The following TMBIM4 variants were observed in gnomAD, a reference collection of about 807,000 sequenced individuals.
TMBIM4 encodes transmembrane BAX inhibitor motif containing 4.
Under a neutral mutation model 27.7 loss-of-function variants are expected in TMBIM4, and 28 were observed. That is an observed-to-expected ratio of 1.01 (90% CI 0.75 to 1.38). The LOEUF is 1.38. Among genes scored for constraint, TMBIM4 ranks in the 40% most tolerant of loss-of-function variants. The pLI is 0.00. For synonymous variants in TMBIM4, 115 were observed against 113.1 expected (o/e 1.02, Z -0.11); for missense variants, 265 against 277.5 (o/e 0.95, Z 0.32).
chr12:66,154,652 A>G (rs947029409), intron 1 of TMBIM4, among the ~76,000 whole-genome samples: 1 of 152,194 alleles, frequency 6.6e-6, no homozygotes, highest in African/African-American at 2.4e-5. Context: ...CTATCATGGC[A>G]ATGCTCATGG....
intron 6 of TMBIM4, 168 bp from the exon 7 acceptor site, chr12:66,138,334 T>C (rs1341169251): frequency 1.0e-6 from 1 of 973,072 alleles, no homozygotes; most frequent in African/African-American, 1.8e-5. Flanking sequence ...CAAACTTGCC[T>C]CTGTTGGATG....
chr12:66,169,786 G>GT, intron 1 of TMBIM4, 69 bp downstream of exon 1: 2 of 1,244,926 alleles, frequency 1.6e-6, no homozygotes, highest in Non-Finnish European at 2.2e-6. Flanking sequence ...TCGGAAGCCG[G>GT]AAGTCGGCTT....
At chr12:66,166,464 C>CAAAAAAAAAAAAAAA (rs59822799) in intron 1 of TMBIM4, among the ~76,000 whole-genome samples, 2 of 100,704 alleles carry the variant, frequency 2.0e-5, no homozygotes, top group African/African-American at 3.8e-5. Flanking sequence ...TACTTTGTCT[C>CAAAAAAAAAAAAAAA]AAAAAAAAAA....
Position 66,149,849 on chromosome 12 carries a change from A to ACTAT in TMBIM4, c.313-1912_313-1909dup, listed in dbSNP as rs376004467. Among the ~76,000 whole-genome samples, 1,029 of 150,910 alleles carry ACTAT rather than the reference A, an allele frequency of 6.8e-3. 7 individuals carry two copies. The highest frequency in any genetic ancestry group is 0.024 in the African/African-American group (978 of 40,846). On this transcript the variant is annotated intron_variant, in intron 3 of 6. Coordinates refer to ENST00000358230, the MANE Select transcript of TMBIM4 (RefSeq NM_016056.4). ...TAAGGTGAATGATTCTAAGTTGAGGACTATCTATCTATCTGTCTGTCTGTC... is the reference window on the plus strand; with the variant it reads ...TAAGGTGAATGATTCTAAGTTGAGGACTATCTATCTATCTATCTGTCTGTCTGTC...
At chr12:66,166,557 A>G (rs772143710) in intron 1 of TMBIM4, among the ~76,000 whole-genome samples, 1 of 152,170 alleles carries the variant, frequency 6.6e-6, no homozygotes, top group Non-Finnish European at 1.5e-5. Flanking sequence ...CAACATTATA[A>G]GTCATTAGAG....
chr12:66,148,112 CCT>C (rs967196824), intron 3 of TMBIM4, among the ~76,000 whole-genome samples, 171 bp from the exon 4 acceptor site: 1 of 152,088 alleles, frequency 6.6e-6, no homozygotes, highest in African/African-American at 2.4e-5. Flanking sequence ...GAAAATGAGA[CCT>C]CAGTATATTG....
chr12:66,165,335 A>T (rs1234591718), intron 1 of TMBIM4, among the ~76,000 whole-genome samples: 4 of 152,138 alleles, frequency 2.6e-5, no homozygotes, highest in Non-Finnish European at 5.9e-5. Context: ...TAATCAAAAC[A>T]GTGTGGTACT....
At chr12:66,149,267 C>A (rs893950473) in intron 3 of TMBIM4, among the ~76,000 whole-genome samples, 2 of 151,434 alleles carry the variant, frequency 1.3e-5, no homozygotes, top group Non-Finnish European at 2.9e-5. Flanking sequence ...ACAGCAAAAC[C>A]CCCTCTCTAC....
chr12:66,136,276 T>C lies in TMBIM4; in HGVS notation c.*1684A>G, dbSNP rs34557475. The C allele has an allele frequency of 0.054, 8,275 of 152,280 alleles. 606 individuals are homozygous for C. Among genetic ancestry groups the C allele is most frequent in the African/African-American group, 0.16 (6,796 of 41,516 alleles). The allele number at this position is 152,280 out of a possible 1,614,324, so 9.4% of individuals were successfully genotyped here. ...CGCCAAATGTCACTTAAGCACCTGG[T>C]TGGACTGCAATGATTCTAATCTAGA... On this transcript the variant is annotated 3_prime_UTR_variant, in exon 7 of 7. Transcript: ENST00000358230.
At chr12:66,149,709 A>G (rs1168528373) in intron 3 of TMBIM4, among the ~76,000 whole-genome samples, 1 of 152,210 alleles carries the variant, frequency 6.6e-6, no homozygotes, top group Non-Finnish European at 1.5e-5. Flanking sequence ...AGTTGAAAAT[A>G]TCGTAAGTAA....
At chr12:66,152,197 A>G in intron 3 of TMBIM4, 74 bp downstream of exon 3, 2 of 744,590 alleles carry the variant, frequency 2.7e-6, no homozygotes, top group Admixed American at 3.0e-5. Flanking sequence ...CCGTTGTTAT[A>G]TATGTATTAT....
rs2051780273 is a variant in TMBIM4, at chr12:66,148,002, T to G, written c.313-61A>C. 2.7e-6 allele frequency: 4 copies of G among 1,486,542 alleles called. No homozygotes were observed. In the East Asian group the frequency reaches 7.0e-5, roughly 26 times the overall value. The allele number at this position is 1,486,542 out of a possible 1,614,324, so 92.1% of individuals were successfully genotyped here. ...TTTATACTATCTCATGTACATTTTCTAATTTCTAGCAGCTTAATGTGATCC... is the reference window on the plus strand; with the variant it reads ...TTTATACTATCTCATGTACATTTTCGAATTTCTAGCAGCTTAATGTGATCC... On this transcript the variant is annotated intron_variant, in intron 3 of 6. Transcript: ENST00000358230.
intron 1 of TMBIM4, among the ~76,000 whole-genome samples, chr12:66,159,605 T>A (rs1241376658): frequency 6.6e-6 from 1 of 152,160 alleles, no homozygotes; most frequent in Non-Finnish European, 1.5e-5. Flanking sequence ...TTGGGGGCAA[T>A]TTGTTACAAA....
chr12:66,169,565 C>T (rs2052197788), intron 1 of TMBIM4: 2 of 464,016 alleles, frequency 4.3e-6, no homozygotes, highest in African/African-American at 4.1e-5. Context: ...TCCATCTGTC[C>T]CTTCCTACAC....
intron 5 of TMBIM4, chr12:66,139,704 T>C: frequency 2.2e-6 from 1 of 456,056 alleles, no homozygotes. Context: ...CTCTGGTGTA[T>C]GCACAGGATT....
rs200037858 is a variant in TMBIM4, at chr12:66,168,934, A to AT, written c.97+920dup. ...TGTTACCTGTATTTTACCACAATTA[A>AT]TTTTTTTTAAAAAAAAGCTGAGTTC... On this transcript the variant is annotated intron_variant, in intron 1 of 6. Coordinates refer to ENST00000358230, the MANE Select transcript of TMBIM4 (RefSeq NM_016056.4). The AT allele has an allele frequency of 7.0e-3, 1,424 of 202,758 alleles. 29 individuals carry two copies. Among genetic ancestry groups the AT allele is most frequent in the African/African-American group, 0.031 (1,304 of 42,256 alleles). The allele number at this position is 202,758 out of a possible 1,614,324, so 12.6% of individuals were successfully genotyped here.
chr12:66,169,936 G>A lies in TMBIM4; in HGVS notation c.16C>T (p.Pro6Ser), dbSNP rs776747003. The A allele has an allele frequency of 5.3e-6, 8 of 1,496,466 alleles. No individual in the cohort carries two copies. Among genetic ancestry groups the A allele is most frequent in the Middle Eastern group, 3.4e-4 (2 of 5,820 alleles). The allele number at this position is 1,496,466 out of a possible 1,614,324, so 92.7% of individuals were successfully genotyped here. A position where few individuals can be genotyped will look rare whatever the true frequency, so the allele number is the denominator to read the frequency against. Residue 6 changes from proline (P) to serine (S), a missense_variant, in exon 1 of 7, where the codon CCC becomes TCC. Transcript: ENST00000358230. MADPD[P>S]RYPRSSIEDD... The stretch of plus-strand genomic sequence containing the variant: ...TCGATCGAGGAGCGAGGGTACCGGG[G>A]GTCGGGGTCAGCCATGATGGCAACA...
At chr12:66,144,813 A>G (rs2051725276) in intron 5 of TMBIM4, 1 of 152,316 alleles carries the variant, frequency 6.6e-6, no homozygotes. Flanking sequence ...CACTTCAGAA[A>G]TATCTGGTCT....
At chr12:66,148,177 C>A (rs915538474) in intron 3 of TMBIM4, among the ~76,000 whole-genome samples, 37 of 152,244 alleles carry the variant, frequency 2.4e-4, no homozygotes, top group East Asian at 2.3e-3. Flanking sequence ...AAGCTCTAAT[C>A]GCATATTTGT....
Sources: allele counts gnomAD v4.1 joint callset (sites outside exome capture counted in the v4.1 genomes callset), GRCh38; gene constraint gnomAD v4.1.1; transcripts MANE v1.5; gene names NCBI Gene and HGNC (gene_info 2026-07-23, HGNC 2026-07-21).